CCDC141: variants seen among roughly 807,000 people sequenced by gnomAD.
CCDC141 encodes coiled-coil domain-containing protein 141.
A neutral mutation model predicts 181.0 loss-of-function variants in CCDC141; 168 were observed. That is an observed-to-expected ratio of 0.93 (90% CI 0.82 to 1.05). CCDC141 has a LOEUF of 1.05. CCDC141 is among the 50% of genes least tolerant of loss of function. The pLI, the probability that CCDC141 is intolerant of heterozygous loss-of-function variation, is 0.00. For synonymous variants in CCDC141, 666 were observed against 642.3 expected, an observed-to-expected ratio of 1.04 and a Z score of -0.56; for missense variants, 1,902 against 1,788.5, an observed-to-expected ratio of 1.06 and a Z score of -1.14.
intron 8 of CCDC141, among the ~76,000 whole-genome samples, chr2:178,890,741 T>C (rs2154371154): frequency 1.3e-5 from 2 of 152,274 alleles, no homozygotes; most frequent in Middle Eastern, 6.8e-3. Context: ...TCTTTGGCCA[T>C]TTGAATACAA....
At position 178,856,287 on chromosome 2, in the gene CCDC141, C is replaced by T; in HGVS notation, c.2835G>A (p.Gln945=). Residue 945 remains glutamine (Q), a synonymous_variant, in exon 18 of 24, where the codon CAG becomes CAA. Coordinates refer to ENST00000443758, the MANE Select transcript of CCDC141 (RefSeq NM_173648.4). ...RNLKALKYQI[Q]QVDMYAEKMQ... is the part of the protein sequence containing the mutation. ...TTTTTTCAGCATACATATCAACTTG[C>T]TGAATTTGATATTTAAGCGCCTTCA... 6.2e-7 allele frequency: 1 copy of T among 1,610,498 alleles called. No homozygotes were observed. The highest frequency in any genetic ancestry group is 1.1e-5 in the South Asian group (1 of 90,404).
intron 7 of CCDC141, among the ~76,000 whole-genome samples, chr2:178,912,600 A>T (rs1688266850): frequency 6.6e-6 from 1 of 152,230 alleles, no homozygotes; most frequent in Non-Finnish European, 1.5e-5. Context: ...ACTCTGTCAT[A>T]GGGAGTACAG....
chr2:178,816,002 A>G, the CCDC141 span, among the ~76,000 whole-genome samples: 31 of 152,338 alleles, frequency 2.0e-4, no homozygotes, highest in Admixed American at 4.6e-4. Context: ...CCTGGCATCC[A>G]GAAGCTGGCC....
At chr2:178,885,595 T>TCAGG (rs1686845053) in intron 10 of CCDC141, among the ~76,000 whole-genome samples, 1 of 152,190 alleles carries the variant, frequency 6.6e-6, no homozygotes, top group Non-Finnish European at 1.5e-5. Context: ...ATATTACATA[T>TCAGG]CAGGCCTAAA....
intron 6 of CCDC141, among the ~76,000 whole-genome samples, chr2:178,923,606 A>G (rs956014386): frequency 6.7e-6 from 1 of 150,268 alleles, no homozygotes; most frequent in Non-Finnish European, 1.5e-5. Flanking sequence ...AAATATTTCC[A>G]GTACTTGTCC....
At chr2:178,958,838 C>A (rs960925954) in intron 5 of CCDC141, among the ~76,000 whole-genome samples, 5 of 148,224 alleles carry the variant, frequency 3.4e-5, no homozygotes, top group Admixed American at 6.7e-5. Flanking sequence ...TTTTCTTACT[C>A]TTGGGAAAAC....
intron 7 of CCDC141, among the ~76,000 whole-genome samples, chr2:178,916,872 T>C (rs183515014): frequency 8.7e-4 from 133 of 152,090 alleles, no homozygotes; most frequent in Admixed American, 2.8e-3. Flanking sequence ...AAACATAAAT[T>C]CTCTACTCCA....
the CCDC141 span, among the ~76,000 whole-genome samples, chr2:178,824,535 C>A: frequency 6.9e-6 from 1 of 144,598 alleles, no homozygotes; most frequent in African/African-American, 2.6e-5. Context: ...AGAAGAATCG[C>A]TTGAACCCGG....
chr2:178,881,890 G>GTCTCTCTCTCTC (rs575583072), intron 11 of CCDC141, among the ~76,000 whole-genome samples: 1 of 94,610 alleles, frequency 1.1e-5, no homozygotes, highest in African/African-American at 5.1e-5. Context: ...GTGAGACCCT[G>GTCTCTCTCTCTC]TCTCTCTCTC....
intron 6 of CCDC141, among the ~76,000 whole-genome samples, chr2:178,920,372 A>G (rs1238487581): frequency 2.0e-5 from 3 of 152,182 alleles, no homozygotes; most frequent in Non-Finnish European, 4.4e-5. Context: ...AGTAACTACT[A>G]TGGTACTACT....
intron 7 of CCDC141, among the ~76,000 whole-genome samples, chr2:178,907,764 T>C (rs1204409797): frequency 6.6e-6 from 1 of 151,880 alleles, no homozygotes; most frequent in Admixed American, 6.6e-5. Context: ...GAGGCCAAGG[T>C]GGGTGGATCA....
Position 178,911,015 on chromosome 2 carries a change from C to T in CCDC141, c.1093-5514G>A, listed in dbSNP as rs897422285. Reference sequence around the variant, plus strand: ...TAGACCCATTCAATAGCACTTTAGGCAGCTAGTCACTATTTATAATTTCTG... The same window carrying T: ...TAGACCCATTCAATAGCACTTTAGGTAGCTAGTCACTATTTATAATTTCTG... On this transcript the variant is annotated intron_variant, in intron 7 of 23. Coordinates refer to ENST00000443758, the MANE Select transcript of CCDC141 (RefSeq NM_173648.4). Among the ~76,000 whole-genome samples the T allele has an allele frequency of 2.6e-5, 4 of 152,318 alleles. No homozygotes were observed. In the East Asian group the frequency reaches 7.7e-4, roughly 29 times the overall value.
At chr2:178,981,634 G>GTATATATATATATATATA (rs1398463319) in intron 2 of CCDC141, among the ~76,000 whole-genome samples, 4 of 12,092 alleles carry the variant, frequency 3.3e-4, no homozygotes, top group East Asian at 8.6e-3. Context: ...ATGTGTGTGT[G>GTATATATATATATATATA]TGTATATATA....
chr2:178,848,276 G>A (rs1685023035), intron 21 of CCDC141, among the ~76,000 whole-genome samples: 1 of 152,212 alleles, frequency 6.6e-6, no homozygotes, highest in Admixed American at 6.5e-5. Context: ...TACAGTGAAT[G>A]CAGAAGCACA....
chr2:178,885,850 T>C (rs867269471), intron 10 of CCDC141, among the ~76,000 whole-genome samples: 1 of 152,158 alleles, frequency 6.6e-6, no homozygotes, highest in Admixed American at 6.6e-5. Flanking sequence ...TTGTGATTAA[T>C]ATGCTTCCCA....
intron 2 of CCDC141, among the ~76,000 whole-genome samples, chr2:179,044,946 T>C (rs962729233): frequency 1.3e-5 from 2 of 149,798 alleles, no homozygotes; most frequent in Non-Finnish European, 3.0e-5. Context: ...GGCTCATTGC[T>C]CTTCCACATC....
Position 178,840,020 on chromosome 2 carries a change from A to G in CCDC141, c.3475-2276T>C, listed in dbSNP as rs191857804. ...AATGTGTGCCTTACTTGTGTTAAGA[A>G]TATCTTCCTATATGTAGCAAAGATC... On this transcript the variant is annotated intron_variant, in intron 22 of 23. Transcript: ENST00000443758. Among the ~76,000 whole-genome samples, 638 of 152,330 alleles carry G rather than the reference A, an allele frequency of 4.2e-3. 4 individuals carry two copies. The highest frequency in any genetic ancestry group is 7.1e-3 in the Non-Finnish European group (486 of 68,036).
the CCDC141 span, among the ~76,000 whole-genome samples, chr2:178,815,249 C>A: frequency 6.6e-6 from 1 of 152,138 alleles, no homozygotes; most frequent in African/African-American, 2.4e-5. Context: ...ACAATTTGAG[C>A]TTTTGGTGAC....
Position 178,869,372 on chromosome 2 carries a change from A to G in CCDC141, c.2206-67T>C, listed in dbSNP as rs1420495669. The G allele has an allele frequency of 4.4e-6, 5 of 1,124,572 alleles. No individual in the cohort carries two copies. In the African/African-American group the frequency reaches 4.7e-5, roughly 11 times the overall value. The allele number at this position is 1,124,572 out of a possible 1,614,324, so 69.7% of individuals were successfully genotyped here. A position where few individuals can be genotyped will look rare whatever the true frequency, so the allele number is the denominator to read the frequency against. Reference sequence around the variant, plus strand: ...ACTTTTTTACTTTACAACTGACAATATAAAGGTCTAAACAATGAATCACTC... The same window carrying G: ...ACTTTTTTACTTTACAACTGACAATGTAAAGGTCTAAACAATGAATCACTC... On this transcript the variant is annotated intron_variant, in intron 14 of 23. Transcript: ENST00000443758.
Sources: gnomAD v4.1 joint callset for allele counts (sites outside exome capture counted in the v4.1 genomes callset) on GRCh38, gnomAD v4.1.1 for gene constraint, MANE v1.5 for transcripts, NCBI Gene and HGNC (gene_info 2026-07-23, HGNC 2026-07-21) for gene names.